PRDM11: variants seen among roughly 807,000 people sequenced by gnomAD.
PRDM11 encodes PR domain-containing protein 11.
Under a neutral mutation model 97.8 loss-of-function variants are expected in PRDM11, and 20 were observed. That is an observed-to-expected ratio of 0.20 (90% CI 0.14 to 0.30). The LOEUF (loss-of-function observed/expected upper bound fraction) is 0.30. PRDM11 is among the 10% of genes least tolerant of loss of function. PRDM11 has a pLI of 1.00. For synonymous variants in PRDM11, 599 were observed against 637.7 expected, an observed-to-expected ratio of 0.94 and a Z score of 0.91; for missense variants, 1,139 against 1,555.2, an observed-to-expected ratio of 0.73 and a Z score of 4.50.
chr11:45,109,952 C>T (rs1852138455), intron 1 of PRDM11, among the ~76,000 whole-genome samples: 1 of 152,176 alleles, frequency 6.6e-6, no homozygotes, highest in African/African-American at 2.4e-5. Context: ...GCTGGAGGCA[C>T]TGCAGCAGTG....
intron 5 of PRDM11, among the ~76,000 whole-genome samples, chr11:45,206,907 T>A (rs1431076664): frequency 6.6e-6 from 1 of 152,222 alleles, no homozygotes; most frequent in Non-Finnish European, 1.5e-5. Context: ...TTCTTCCTGC[T>A]TGTGCACAAG....
chr11:45,120,150 G>A (rs1184885645), intron 1 of PRDM11, among the ~76,000 whole-genome samples: 2 of 152,134 alleles, frequency 1.3e-5, no homozygotes, highest in East Asian at 1.9e-4. Context: ...ATAGTGAACT[G>A]GAACTCAATA....
intron 1 of PRDM11, among the ~76,000 whole-genome samples, chr11:45,117,560 A>G (rs1852330682): frequency 6.6e-6 from 1 of 152,164 alleles, no homozygotes; most frequent in Non-Finnish European, 1.5e-5. Context: ...TAGCCTGAGC[A>G]ACATAGCAAG....
intron 6 of PRDM11, among the ~76,000 whole-genome samples, chr11:45,220,153 T>G (rs1303005399): frequency 1.3e-5 from 2 of 152,204 alleles, no homozygotes; most frequent in Non-Finnish European, 2.9e-5. Flanking sequence ...ATATGTGAAA[T>G]ACTGACAACA....
intron 1 of PRDM11, among the ~76,000 whole-genome samples, chr11:45,109,395 C>T (rs1852126277): frequency 1.3e-5 from 2 of 152,224 alleles, no homozygotes. Context: ...CCAGCATCAC[C>T]TTGGATGTCG....
intron 6 of PRDM11, 54 bp from the exon 7 acceptor site, chr11:45,224,163 T>G: frequency 6.6e-7 from 1 of 1,518,376 alleles, no homozygotes; most frequent in East Asian, 2.3e-5. Flanking sequence ...TTCTGTTGGT[T>G]TCTCCAATTT....
chr11:45,106,593 C>T (rs1236812064), intron 1 of PRDM11, among the ~76,000 whole-genome samples: 2 of 152,094 alleles, frequency 1.3e-5, no homozygotes, highest in African/African-American at 4.8e-5. Context: ...CCTGAGGCGC[C>T]GGCTGGAAGA....
intron 4 of PRDM11, among the ~76,000 whole-genome samples, chr11:45,190,455 CTT>C (rs373876725): frequency 1.4e-5 from 2 of 141,556 alleles, no homozygotes; most frequent in Non-Finnish European, 3.1e-5. Context: ...GCCATACATT[CTT>C]TTTTTTTTTT....
At chr11:45,212,008 G>A (rs534639282) in intron 5 of PRDM11, among the ~76,000 whole-genome samples, 20 of 152,310 alleles carry the variant, frequency 1.3e-4, no homozygotes, top group African/African-American at 3.4e-4. Context: ...GGCAGGTGCC[G>A]CTCCTTCAGC....
intron 1 of PRDM11, among the ~76,000 whole-genome samples, chr11:45,119,631 AAAAAAAAAAAAAAAAAAAC>A: frequency 7.3e-6 from 1 of 137,482 alleles, no homozygotes; most frequent in African/African-American, 2.5e-5. Context: ...AAAAAAAAAA[AAAAAAAAAAAAAAAAAAAC>A]ACCTGGTAAG....
chr11:45,169,109 C>A (rs961424258), intron 1 of PRDM11, among the ~76,000 whole-genome samples: 7 of 152,124 alleles, frequency 4.6e-5, no homozygotes, highest in Non-Finnish European at 8.8e-5. Context: ...GGGGGAGAGG[C>A]AACCTGGGAC....
At chr11:45,097,097 TGCAGC>T (rs1851896098) in intron 1 of PRDM11, among the ~76,000 whole-genome samples, 3 of 152,248 alleles carry the variant, frequency 2.0e-5, no homozygotes, top group African/African-American at 7.2e-5. Flanking sequence ...GGATATTTCC[TGCAGC>T]TAAATAGAAA....
chr11:45,200,709 C>A (rs1484370897), intron 4 of PRDM11, among the ~76,000 whole-genome samples: 1 of 152,148 alleles, frequency 6.6e-6, no homozygotes, highest in East Asian at 1.9e-4. Context: ...ATCCAGGGTT[C>A]TCTGAGATTC....
intron 5 of PRDM11, among the ~76,000 whole-genome samples, chr11:45,205,673 CT>C (rs1205056858): frequency 2.0e-5 from 3 of 152,134 alleles, no homozygotes; most frequent in African/African-American, 7.2e-5. Context: ...TGGGATTGTA[CT>C]TGGAGAGAGG....
At chr11:45,154,402 G>A (rs1204563141) in intron 1 of PRDM11, among the ~76,000 whole-genome samples, 1 of 152,134 alleles carries the variant, frequency 6.6e-6, no homozygotes, top group Non-Finnish European at 1.5e-5. Context: ...ATAGAGTGTT[G>A]GTTTCAGACC....
chr11:45,195,787 G>C (rs1404781958), intron 4 of PRDM11, among the ~76,000 whole-genome samples: 1 of 151,880 alleles, frequency 6.6e-6, no homozygotes, highest in African/African-American at 2.4e-5. Flanking sequence ...TGTTGGCCAG[G>C]CTCGTCTTGA....
intron 4 of PRDM11, among the ~76,000 whole-genome samples, chr11:45,197,348 G>A (rs1853159705): frequency 6.6e-6 from 1 of 152,080 alleles, no homozygotes; most frequent in South Asian, 2.1e-4. Flanking sequence ...CTGGGAAAGA[G>A]GGAAATAGGG....
intron 1 of PRDM11, among the ~76,000 whole-genome samples, chr11:45,128,494 C>T (rs1052346265): frequency 6.6e-6 from 1 of 151,946 alleles, no homozygotes; most frequent in East Asian, 1.9e-4. Flanking sequence ...CTTGGCTACA[C>T]CCCGCGCACC....
rs1052290411 is a variant in PRDM11, at chr11:45,212,285, G to C, written c.555-7285G>C. Among the ~76,000 whole-genome samples, 3 of 152,192 alleles carry C rather than the reference G, an allele frequency of 2.0e-5. No individual in the cohort carries two copies. The East Asian group carries it at 5.8e-4, about 29-fold the overall frequency. ...GGAAGAGGAACTTCCCCCCAGGGAT[G>C]CTGGGCCCACGCACCTCAGGGATTT... is the stretch of plus-strand genomic sequence containing the variant. On this transcript the variant is annotated intron_variant, in intron 5 of 7. Coordinates refer to ENST00000683152, the MANE Select transcript of PRDM11 (RefSeq NM_001384648.1).
Sources: allele counts gnomAD v4.1 joint callset (sites outside exome capture counted in the v4.1 genomes callset), GRCh38; gene constraint gnomAD v4.1.1; transcripts MANE v1.5; gene names NCBI Gene and HGNC (gene_info 2026-07-23, HGNC 2026-07-21).